ODF2: variants seen among roughly 807,000 people sequenced by gnomAD.
The protein encoded by ODF2 is outer dense fiber protein 2.
ODF2 carries 47 observed loss-of-function variants against 110.2 expected under a neutral mutation model. That is an observed-to-expected ratio of 0.43 (90% confidence interval 0.34 to 0.54). The LOEUF is 0.54. Ranked by LOEUF, ODF2 falls within the 20% of genes least tolerant of loss-of-function variation. The pLI, the probability that ODF2 is intolerant of heterozygous loss-of-function variation, is 0.03. For synonymous variants in ODF2, 352 were observed against 397.7 expected, an observed-to-expected ratio of 0.89 and a Z score of 1.37; for missense variants, 812 against 1,054.5, an observed-to-expected ratio of 0.77 and a Z score of 3.19.
At chr9:128,468,221 TC>T (rs1177424463) in intron 4 of ODF2, among the ~76,000 whole-genome samples, 10 of 152,156 alleles carry the variant, frequency 6.6e-5, no homozygotes, top group African/African-American at 2.4e-4. Flanking sequence ...TTGTAACTAA[TC>T]CACTATCAGC....
rs149629638 is a variant in ODF2 at position 128,459,625 on chromosome 9, G to C, written c.91G>C (p.Ala31Pro). The change falls in exon 3 of 21, where the codon GCA (alanine) becomes CCA (proline). Residue 31 changes from alanine to proline, a missense_variant. Physicochemically the swap from Ala to Pro is conservative, Grantham distance 27 (BLOSUM62 -1). Around this residue, in one of 5 missense-constraint regions of ODF2, gnomAD observed 121 missense variants for 123.7 expected, o/e 0.98. Transcript: ENST00000604420. ...TCTCACGCAGAAAAAGGTCTTGAGA[G>C]CACCTTGTGGCGCACCCAGTGTAAC... is the stretch of plus-strand genomic sequence containing the variant. 6.9e-5 allele frequency: 112 copies of C among 1,614,010 alleles called. No homozygotes were observed. The African/African-American group carries it at 1.5e-3, about 21-fold the overall frequency.
At chr9:128,456,459 C>A (rs1394403555) in intron 1 of ODF2, 2 of 1,516,926 alleles carry the variant, frequency 1.3e-6, no homozygotes, top group Non-Finnish European at 1.8e-6. Flanking sequence ...CGCTAACGGG[C>A]GGTCGGCCGC....
At chr9:128,457,188 A>T in intron 1 of ODF2, 1 of 1,533,796 alleles carries the variant, frequency 6.5e-7, no homozygotes, top group Non-Finnish European at 8.7e-7. Flanking sequence ...ATTTCCCCCT[A>T]CTTTGGCAGG....
intron 4 of ODF2, among the ~76,000 whole-genome samples, chr9:128,463,897 T>C (rs1323251328): frequency 6.6e-6 from 1 of 152,172 alleles, no homozygotes; most frequent in Non-Finnish European, 1.5e-5. Flanking sequence ...CAGGCTGGAG[T>C]GCAGTGACGC....
chr9:128,498,534 G>A, exon 19 of ODF2: 1 of 1,610,986 alleles, frequency 6.2e-7, no homozygotes, highest in Non-Finnish European at 8.5e-7. Flanking sequence ...TGGGACCCTG[G>A]CAAGGCAGTT....
At chr9:128,460,012 C>G in intron 3 of ODF2, 2 of 594,184 alleles carry the variant, frequency 3.4e-6, no homozygotes, top group Non-Finnish European at 5.5e-6. Context: ...CTGCCTTGCT[C>G]ATGTTTTCTT....
chr9:128,470,633 A>C (rs1266592688), intron 5 of ODF2, among the ~76,000 whole-genome samples: 2 of 151,838 alleles, frequency 1.3e-5, no homozygotes, highest in African/African-American at 4.8e-5. Flanking sequence ...AAAAGAAAAA[A>C]AAAAAAAGCC....
intron 18 of ODF2, 84 bp downstream of exon 18, chr9:128,496,225 G>A: frequency 6.3e-7 from 1 of 1,592,676 alleles, no homozygotes; most frequent in South Asian, 1.1e-5. Context: ...TTAGTGTGCG[G>A]AAGTGTTGAG....
intron 3 of ODF2, 121 bp downstream of exon 3, chr9:128,460,787 T>A (rs1207755023): frequency 6.6e-7 from 1 of 1,522,542 alleles, no homozygotes; most frequent in East Asian, 2.3e-5. Context: ...CGGAGGCCGG[T>A]TTCCTGGTTA....
Position 128,481,057 on chromosome 9 carries a change from ACTC to A in ODF2, c.844-519_844-517del, listed in dbSNP as rs1354790460. Among the ~76,000 whole-genome samples, 3 of 152,084 alleles carry A rather than the reference ACTC, an allele frequency of 2.0e-5. 1 individual carries two copies. In the East Asian group the frequency reaches 5.8e-4, roughly 29 times the overall value. On this transcript the variant is annotated intron_variant, in intron 8 of 20. Coordinates refer to ENST00000604420, the Ensembl canonical transcript of ODF2. ...TGTAGAGAAAAAGGATGGGAAGGAT[ACTC>A]CTCAAACTAATAGCAGTAGGGTAGG...
Position 128,498,990 on chromosome 9 carries a change from T to C in ODF2, c.2176-11T>C. On this transcript the variant is annotated splice_polypyrimidine_tract_variant and intron_variant, in intron 19 of 20. Transcript: ENST00000604420. ...TAAACCAGTCTCATGTCTGGGCCTTTGAATGTGCAGGTGGAACAAACCAAG... is the reference window on the plus strand; with the variant it reads ...TAAACCAGTCTCATGTCTGGGCCTTCGAATGTGCAGGTGGAACAAACCAAG... 6.2e-7 allele frequency: 1 copy of C among 1,613,042 alleles called. No homozygotes were observed. The highest frequency in any genetic ancestry group is 1.1e-5 in the South Asian group (1 of 91,040).
chr9:128,495,718 C>T (rs1236464528), intron 17 of ODF2, among the ~76,000 whole-genome samples: 1 of 152,194 alleles, frequency 6.6e-6, no homozygotes, highest in East Asian at 1.9e-4. Flanking sequence ...GGCCAGTTAG[C>T]CCTGCCAGCT....
At chr9:128,456,042 G>T, upstream of ODF2, 1 of 1,480,404 alleles carries the variant, frequency 6.8e-7, no homozygotes, top group Non-Finnish European at 9.0e-7. Context: ...CTAGGGGCTG[G>T]GCCTCGATGG....
chr9:128,493,940 G>A (rs1588985442), intron 16 of ODF2, among the ~76,000 whole-genome samples: 1 of 152,106 alleles, frequency 6.6e-6, no homozygotes, highest in East Asian at 1.9e-4. Context: ...GACTACAGGC[G>A]TGTGCCACCA....
chr9:128,482,097 G>A (rs1199349879), intron 9 of ODF2, among the ~76,000 whole-genome samples: 1 of 152,206 alleles, frequency 6.6e-6, no homozygotes, highest in Non-Finnish European at 1.5e-5. Flanking sequence ...AACCGAAGGG[G>A]AGGTTCCATA....
intron 17 of ODF2, among the ~76,000 whole-genome samples, chr9:128,495,242 T>G (rs556326923): frequency 2.0e-5 from 3 of 152,368 alleles, no homozygotes; most frequent in African/African-American, 7.2e-5. Context: ...CTTGTGATAA[T>G]TAGAAAAGGG....
intron 3 of ODF2, chr9:128,460,614 CT>C (rs1836191901): frequency 3.7e-6 from 6 of 1,613,988 alleles, no homozygotes; most frequent in African/African-American, 2.7e-5. Context: ...GAGAACACCC[CT>C]GTCCACGTCC....
intron 14 of ODF2, among the ~76,000 whole-genome samples, chr9:128,490,056 T>C (rs552633171): frequency 6.6e-6 from 1 of 152,232 alleles, no homozygotes; most frequent in Admixed American, 6.5e-5. Flanking sequence ...TTAACAGTTA[T>C]TTAGGAGGCC....
chr9:128,463,288 T>TA (rs1033378739), intron 4 of ODF2, among the ~76,000 whole-genome samples: 1 of 151,924 alleles, frequency 6.6e-6, no homozygotes, highest in Non-Finnish European at 1.5e-5. Context: ...AGAAATATGA[T>TA]ACATCCATAC....
Sources: allele counts gnomAD v4.1 joint callset (sites outside exome capture counted in the v4.1 genomes callset), GRCh38; gene constraint gnomAD v4.1.1; regional missense constraint gnomAD v4.1.1; transcripts MANE v1.5; gene names NCBI Gene and HGNC (gene_info 2026-07-23, HGNC 2026-07-21).